Variants in MYH11 observed in about 807,000 individuals in gnomAD.
MYH11 encodes the protein myosin heavy chain 11.
MYH11 carries 80 observed loss-of-function variants against 246.6 expected under a neutral mutation model. That is an observed-to-expected ratio of 0.32 (90% CI 0.27 to 0.39). The LOEUF is 0.39. Among genes scored for constraint, MYH11 ranks in the 10% least tolerant of loss-of-function variants. MYH11 has a pLI of 1.00. For synonymous variants in MYH11, 1,071 were observed against 1,015.5 expected (o/e 1.05, Z -1.04); for missense variants, 2,158 against 2,546.8 (o/e 0.85, Z 3.29).
intron 26 of MYH11, among the ~76,000 whole-genome samples, chr16:15,733,176 C>T (rs1242066136): frequency 1.3e-5 from 2 of 152,196 alleles, no homozygotes; most frequent in Non-Finnish European, 2.9e-5. Flanking sequence ...CATGGTGTCA[C>T]AGCCATTGTG....
intron 1 of MYH11, among the ~76,000 whole-genome samples, chr16:15,839,516 G>A (rs533137704): frequency 1.3e-5 from 2 of 151,280 alleles, no homozygotes; most frequent in Admixed American, 6.6e-5. Context: ...AACATGGTGA[G>A]ACCCCTGTCT....
chr16:15,839,637 T>C (rs1290334008), intron 1 of MYH11, among the ~76,000 whole-genome samples: 1 of 150,862 alleles, frequency 6.6e-6, no homozygotes, highest in Non-Finnish European at 1.5e-5. Flanking sequence ...GAGGTTGCAG[T>C]GAGCTGAGAT....
rs577057975 is a variant in MYH11, at chr16:15,770,045, A to G, written c.1033+1524T>C. 2.5e-4 allele frequency among the ~76,000 whole-genome samples: 38 copies of G among 152,344 alleles called. No homozygotes were observed. The South Asian group carries it at 7.3e-3, about 29-fold the overall frequency. On this transcript the variant is annotated intron_variant, in intron 9 of 40. Coordinates refer to ENST00000300036, the MANE Select transcript of MYH11 (RefSeq NM_002474.3). ...AAAGGATTTGGTAAATTCCTGGCAC[A>G]CAGCAAATACTTAACCATTGTTCAT...
At position 15,771,435 on chromosome 16, in the gene MYH11, CTTTTTTT is replaced by C. The variant is rs200813930; in HGVS notation, c.1033+127_1033+133del. The C allele has an allele frequency of 0.03, 20,946 of 704,014 alleles. 205 individuals are homozygous for C. The highest frequency in any genetic ancestry group is 0.12 in the East Asian group (4,403 of 35,398). The allele number at this position is 704,014 out of a possible 1,614,324, so 43.6% of individuals were successfully genotyped here. On this transcript the variant is annotated intron_variant, in intron 9 of 40. Coordinates refer to ENST00000300036, the MANE Select transcript of MYH11 (RefSeq NM_002474.3). ...ACCTAGAATAAAATTCATTTTCCTC[CTTTTTTT>C]TTTTTTTTTTTAATGGAAGGTGGGG...
At chr16:15,827,443 C>T (rs942247619) in intron 2 of MYH11, among the ~76,000 whole-genome samples, 7 of 152,144 alleles carry the variant, frequency 4.6e-5, no homozygotes, top group African/African-American at 7.2e-5. Context: ...TTGGTATAAG[C>T]GGCTCCATCG....
intron 3 of MYH11, among the ~76,000 whole-genome samples, chr16:15,819,813 GT>G (rs2043358011): frequency 1.3e-5 from 2 of 152,130 alleles, no homozygotes; most frequent in African/African-American, 4.8e-5. Context: ...TGTCAAAAAG[GT>G]TGGGGACTGC....
At chr16:15,715,515 G>A (rs1051895528) in intron 38 of MYH11, among the ~76,000 whole-genome samples, 2 of 152,244 alleles carry the variant, frequency 1.3e-5, no homozygotes, top group African/African-American at 2.4e-5. Context: ...AGACAACATA[G>A]TGTGTGATTC....
intron 38 of MYH11, among the ~76,000 whole-genome samples, chr16:15,716,375 A>G (rs2040139385): frequency 2.0e-5 from 3 of 152,220 alleles, no homozygotes; most frequent in East Asian, 1.9e-4. Flanking sequence ...TGAAAAAGCT[A>G]CTAGAAGAGA....
intron 9 of MYH11, among the ~76,000 whole-genome samples, chr16:15,764,578 G>A (rs1007226505): frequency 2.0e-5 from 3 of 152,122 alleles, no homozygotes; most frequent in Admixed American, 6.6e-5. Flanking sequence ...TATATAGACC[G>A]TCCATTCAAG....
In MYH11 at chr16:15,838,188, TTGA is replaced by T. The variant is rs1257655501; in HGVS notation, c.62_64del (p.Ile21del). On this transcript the variant is annotated inframe_deletion, in exon 2 of 41. Coordinates refer to ENST00000300036, the MANE Select transcript of MYH11 (RefSeq NM_002474.3). Reference sequence around the variant, plus strand: ...CCAGTCAGCCTGGGCCACTGGGCTGTTGATGAAGTTTTTGTCCACAAAGAGGAA... The same window carrying T: ...CCAGTCAGCCTGGGCCACTGGGCTGTTGAAGTTTTTGTCCACAAAGAGGAA... 1.2e-6 allele frequency: 2 copies of T among 1,613,972 alleles called. No individual in the cohort carries two copies. The highest frequency in any genetic ancestry group is 2.7e-5 in the African/African-American group (2 of 74,906).
chr16:15,781,403 C>T (rs2042349797), intron 6 of MYH11, among the ~76,000 whole-genome samples: 1 of 152,116 alleles, frequency 6.6e-6, no homozygotes, highest in Non-Finnish European at 1.5e-5. Context: ...GGTCAGGGAC[C>T]ACCATGTGCA....
intron 2 of MYH11, among the ~76,000 whole-genome samples, chr16:15,833,381 G>GAGTGAGGAAGGAAGGA (rs2043799139): frequency 7.3e-6 from 1 of 136,750 alleles, no homozygotes; most frequent in Non-Finnish European, 1.6e-5. Flanking sequence ...GGGAGGGAGG[G>GAGTGAGGAAGGAAGGA]AGGGAGGAAG....
chr16:15,735,591 G>C lies in MYH11; in HGVS notation c.3294-13C>G, dbSNP rs143110271. ...TTCATCGTCAAGCCTTCCAGGGAGA[G>C]ACCCAGCAGAATGAACCCCCAGGTC... On this transcript the variant is annotated splice_polypyrimidine_tract_variant and intron_variant, in intron 25 of 40. Transcript: ENST00000300036. 4.4e-5 allele frequency: 71 copies of C among 1,614,042 alleles called. No homozygotes were observed. In the African/African-American group the frequency reaches 8.5e-4, roughly 19 times the overall value.
chr16:15,806,137 TGTG>T (rs1214251391), intron 3 of MYH11, among the ~76,000 whole-genome samples: 3 of 150,550 alleles, frequency 2.0e-5, no homozygotes, highest in Admixed American at 2.0e-4. Context: ...ATTAGCCAGG[TGTG>T]GTGGCACGTG....
chr16:15,745,174 G>A lies in MYH11; in HGVS notation c.2475C>T (p.Ala825=), dbSNP rs886038948. The A allele has an allele frequency of 1.9e-6, 3 of 1,614,206 alleles. No homozygotes were observed. The Admixed American group carries it at 5.0e-5, about 27-fold the overall frequency. Residue 825 remains alanine (A), a synonymous_variant, in exon 20 of 41, where the codon GCC becomes GCT. Transcript: ENST00000300036. ...ACTGCCAGTTCCGCAGCTTGAGGTA[G>A]GCGGCGCAGTTCCTCTGAATCACCT... is the stretch of plus-strand genomic sequence containing the variant. The part of the protein sequence containing the change: ...AMKVIQRNCA[A]YLKLRNWQWW...
intron 31 of MYH11, among the ~76,000 whole-genome samples, chr16:15,723,336 T>TA (rs2040582272): frequency 6.6e-6 from 1 of 152,122 alleles, no homozygotes; most frequent in Admixed American, 6.6e-5. Context: ...GCATGATAGA[T>TA]AGAATTAGTC....
At chr16:15,810,927 A>C (rs1480836368) in intron 3 of MYH11, among the ~76,000 whole-genome samples, 3 of 152,220 alleles carry the variant, frequency 2.0e-5, no homozygotes. Context: ...TCGGCAGGAC[A>C]GGATATTCAA....
At chr16:15,716,364 C>T (rs1302020320) in intron 38 of MYH11, among the ~76,000 whole-genome samples, 1 of 152,108 alleles carries the variant, frequency 6.6e-6, no homozygotes, top group African/African-American at 2.4e-5. Context: ...GTGCGAATTA[C>T]TGAAAAAGCT....
intron 6 of MYH11, among the ~76,000 whole-genome samples, chr16:15,780,085 T>C (rs1014723340): frequency 2.6e-5 from 4 of 152,250 alleles, no homozygotes; most frequent in South Asian, 2.1e-4. Flanking sequence ...CTTCCCAAGA[T>C]GGCAGGGACG....
Sources: gnomAD v4.1 joint callset for allele counts (sites outside exome capture counted in the v4.1 genomes callset) on GRCh38, gnomAD v4.1.1 for gene constraint, MANE v1.5 for transcripts, NCBI Gene and HGNC (gene_info 2026-07-23, HGNC 2026-07-21) for gene names.